Variants in FRMD5 observed in about 807,000 individuals in gnomAD.
The protein encoded by FRMD5 is FERM domain-containing protein 5.
FRMD5 carries 20 observed loss-of-function variants against 69.0 expected under a neutral mutation model. The ratio of observed to expected loss-of-function variants is 0.29; its 90% CI spans 0.20 to 0.42. The LOEUF is 0.42. Among genes scored for constraint, FRMD5 ranks in the 10% least tolerant of loss-of-function variants. FRMD5 has a pLI of 1.00. For missense variants in FRMD5, 595 were observed against 708.6 expected (o/e 0.84, Z 1.82); for synonymous variants, 271 against 260.1 (o/e 1.04, Z -0.40).
intron 1 of FRMD5, among the ~76,000 whole-genome samples, chr15:43,954,115 G>A (rs2090078275): frequency 6.6e-6 from 1 of 152,268 alleles, no homozygotes; most frequent in African/African-American, 2.4e-5. Context: ...AAGCCCTGTC[G>A]ATGCCCAGAT....
chr15:43,930,139 A>AT (rs2089650013), intron 1 of FRMD5, among the ~76,000 whole-genome samples: 1 of 152,076 alleles, frequency 6.6e-6, no homozygotes, highest in Non-Finnish European at 1.5e-5. Flanking sequence ...CCTTCTTTAC[A>AT]CTTTCTTTGA....
chr15:44,068,872 A>T (rs1893417976), intron 1 of FRMD5, among the ~76,000 whole-genome samples: 1 of 152,196 alleles, frequency 6.6e-6, no homozygotes, highest in Non-Finnish European at 1.5e-5. Flanking sequence ...GTCAGATGTG[A>T]GGGTTACTGT....
intron 1 of FRMD5, among the ~76,000 whole-genome samples, chr15:43,988,423 T>A (rs1458974428): frequency 6.6e-6 from 1 of 151,876 alleles, no homozygotes; most frequent in African/African-American, 2.4e-5. Flanking sequence ...TTTAGACATA[T>A]GCTACTGCAC....
chr15:44,084,179 T>C (rs1894100371), intron 1 of FRMD5, among the ~76,000 whole-genome samples: 1 of 152,040 alleles, frequency 6.6e-6, no homozygotes, highest in South Asian at 2.1e-4. Flanking sequence ...GCGGCTAATC[T>C]CAAATTTTAT....
chr15:44,077,144 C>T (rs912779271), intron 1 of FRMD5, among the ~76,000 whole-genome samples: 1 of 152,108 alleles, frequency 6.6e-6, no homozygotes, highest in Non-Finnish European at 1.5e-5. Context: ...CAGGTTATGA[C>T]ATATCCATGT....
intron 1 of FRMD5, among the ~76,000 whole-genome samples, chr15:44,073,459 C>T (rs1389627848): frequency 2.0e-5 from 3 of 152,152 alleles, no homozygotes; most frequent in Admixed American, 6.5e-5. Flanking sequence ...TGGATAAGGA[C>T]TTGTAATTAA....
At chr15:43,888,501 C>T (rs2088716947) in intron 9 of FRMD5, among the ~76,000 whole-genome samples, 1 of 152,184 alleles carries the variant, frequency 6.6e-6, no homozygotes, top group Non-Finnish European at 1.5e-5. Context: ...ACCAGGAGAG[C>T]TCTTGGTGAG....
chr15:44,152,164 G>A (rs934951384), intron 1 of FRMD5, among the ~76,000 whole-genome samples: 2 of 152,186 alleles, frequency 1.3e-5, no homozygotes, highest in Non-Finnish European at 2.9e-5. Flanking sequence ...AGCTGAGATT[G>A]CGCCACTGTA....
intron 1 of FRMD5, among the ~76,000 whole-genome samples, chr15:44,144,588 G>A (rs750224250): frequency 2.0e-5 from 3 of 152,096 alleles, no homozygotes; most frequent in Non-Finnish European, 2.9e-5. Context: ...CTCTTTCCAG[G>A]GGCACCCTGA....
At chr15:44,173,015 C>T (rs1183090888) in intron 1 of FRMD5, among the ~76,000 whole-genome samples, 1 of 152,152 alleles carries the variant, frequency 6.6e-6, no homozygotes, top group African/African-American at 2.4e-5. Context: ...CACATGAAAT[C>T]GCTTGTCATC....
intron 1 of FRMD5, among the ~76,000 whole-genome samples, chr15:44,098,099 G>C (rs1379037043): frequency 1.6e-5 from 2 of 126,860 alleles, no homozygotes; most frequent in African/African-American, 3.0e-5. Flanking sequence ...GCTCCCAAAA[G>C]TTCAGAGTGA....
chr15:43,941,297 G>A (rs11070415), intron 1 of FRMD5, among the ~76,000 whole-genome samples: 15,256 of 152,202 alleles, frequency 0.1, 1,157 homozygotes, highest in African/African-American at 0.21. Flanking sequence ...TGTTGCCCAC[G>A]TTGGGGTGTA....
At chr15:44,009,540 A>T (rs1201741957) in intron 1 of FRMD5, among the ~76,000 whole-genome samples, 1 of 152,130 alleles carries the variant, frequency 6.6e-6, no homozygotes, top group Non-Finnish European at 1.5e-5. Flanking sequence ...TTAGCTAGGC[A>T]TGGTGGCACA....
intron 1 of FRMD5, among the ~76,000 whole-genome samples, chr15:43,981,998 T>C (rs909315253): frequency 9.9e-5 from 15 of 152,260 alleles, no homozygotes; most frequent in African/African-American, 3.6e-4. Flanking sequence ...TACAGTTTTC[T>C]CCAGCAGGAA....
chr15:44,109,739 G>A (rs543892063), intron 1 of FRMD5, among the ~76,000 whole-genome samples: 4 of 152,094 alleles, frequency 2.6e-5, no homozygotes, highest in Admixed American at 1.3e-4. Flanking sequence ...GTACAATGAC[G>A]TATATCCATC....
At chr15:44,196,561 C>T (rs1219159315), upstream of FRMD5, among the ~76,000 whole-genome samples, 1 of 152,048 alleles carries the variant, frequency 6.6e-6, no homozygotes, top group Non-Finnish European at 1.5e-5. Context: ...CTATTACTTT[C>T]ATTTGCACTG....
chr15:44,103,441 C>G (rs2140537370), intron 1 of FRMD5, among the ~76,000 whole-genome samples: 1 of 152,238 alleles, frequency 6.6e-6, no homozygotes. Flanking sequence ...GTTTTACCTT[C>G]CCTCACAACA....
At chr15:44,044,677 A>G (rs369620307) in intron 1 of FRMD5, among the ~76,000 whole-genome samples, 1 of 149,040 alleles carries the variant, frequency 6.7e-6, no homozygotes, top group Admixed American at 6.8e-5. Flanking sequence ...AAAATCAAAC[A>G]CCGCATGTTC....
intron 1 of FRMD5, among the ~76,000 whole-genome samples, chr15:44,022,594 A>AG (rs1891258427): frequency 6.6e-6 from 1 of 150,734 alleles, no homozygotes; most frequent in Non-Finnish European, 1.5e-5. Flanking sequence ...GAAAAAAAAA[A>AG]AAAAAAAAAA....
Sources: gnomAD v4.1 joint callset for allele counts (sites outside exome capture counted in the v4.1 genomes callset) on GRCh38, gnomAD v4.1.1 for gene constraint, MANE v1.5 for transcripts, NCBI Gene and HGNC (gene_info 2026-07-23, HGNC 2026-07-21) for gene names.